MIPEP: variants seen among roughly 807,000 people sequenced by gnomAD.
MIPEP encodes the protein mitochondrial intermediate peptidase.
In MIPEP, 79 loss-of-function variants were observed where a neutral mutation model predicts 90.3. That is an observed-to-expected ratio of 0.87 (90% confidence interval 0.73 to 1.05). The LOEUF is 1.05. MIPEP is among the 50% of genes least tolerant of loss of function. MIPEP has a pLI of 0.00. For synonymous variants in MIPEP, 334 were observed against 315.8 expected (o/e 1.06, Z -0.61); for missense variants, 940 against 905.6 (o/e 1.04, Z -0.49).
At chr13:23,860,360 C>T (rs550266240) in intron 9 of MIPEP, among the ~76,000 whole-genome samples, 1 of 152,254 alleles carries the variant, frequency 6.6e-6, no homozygotes, top group South Asian at 2.1e-4. Context: ...ATGTGGCCGG[C>T]ACGTAAATAT....
In MIPEP at chr13:23,879,285, G is replaced by T. The variant is rs1372196060; in HGVS notation, c.522C>A (p.Ser174=). ...GTGAGTACCTTGTTTCTGGATCAAG[G>T]GAATCCACAAGTTTTTTATCAGCTA... is the stretch of plus-strand genomic sequence containing the variant. The part of the protein sequence containing the change: ...KLLADKKLVD[S]LDPETRRVAE... The change falls in exon 4 of 19, where the codon TCC becomes TCA. Residue 174 remains serine, a synonymous_variant. Transcript: ENST00000382172. 3 of 1,602,342 alleles carry T rather than the reference G, an allele frequency of 1.9e-6. No individual in the cohort carries two copies. The Admixed American group carries it at 5.0e-5, about 27-fold the overall frequency.
At chr13:23,741,030 C>T (rs905899696) in intron 18 of MIPEP, among the ~76,000 whole-genome samples, 1 of 152,184 alleles carries the variant, frequency 6.6e-6, no homozygotes, top group Non-Finnish European at 1.5e-5. Flanking sequence ...ACCAATCAGG[C>T]ATGGCCAGTG....
chr13:23,779,239 A>C (rs1276710576), intron 16 of MIPEP, among the ~76,000 whole-genome samples: 1 of 152,208 alleles, frequency 6.6e-6, no homozygotes, highest in Non-Finnish European at 1.5e-5. Context: ...GCAGCAGCAA[A>C]AATGTTATTT....
chr13:23,803,405 A>T (rs1962469), intron 16 of MIPEP, among the ~76,000 whole-genome samples: 2 of 151,936 alleles, frequency 1.3e-5, no homozygotes, highest in Admixed American at 6.6e-5. Context: ...ACTATCAAAA[A>T]GAAAAAATTC....
chr13:23,751,770 C>T (rs1190031498), intron 18 of MIPEP, among the ~76,000 whole-genome samples: 4 of 152,166 alleles, frequency 2.6e-5, no homozygotes, highest in East Asian at 1.9e-4. Flanking sequence ...ATCTTTCCAT[C>T]AGGACCCCCA....
intron 18 of MIPEP, 120 bp downstream of exon 18, chr13:23,756,425 G>T: frequency 1.9e-6 from 2 of 1,037,360 alleles, no homozygotes; most frequent in Middle Eastern, 2.0e-4. Flanking sequence ...CCAAAGTGCT[G>T]GGATTACAGG....
At chr13:23,809,743 G>T in intron 15 of MIPEP, 107 bp downstream of exon 15, 1 of 726,688 alleles carries the variant, frequency 1.4e-6, no homozygotes, top group South Asian at 2.1e-5. Flanking sequence ...AGATGTTTTA[G>T]AAGCATAATT....
chr13:23,878,483 G>A (rs1454984311), intron 4 of MIPEP, among the ~76,000 whole-genome samples: 2 of 152,086 alleles, frequency 1.3e-5, no homozygotes, highest in Non-Finnish European at 2.9e-5. Flanking sequence ...AAAATAGAAG[G>A]AAACAGGATC....
chr13:23,784,548 TAGGCAATACCATTC>T (rs1438863348), intron 16 of MIPEP, among the ~76,000 whole-genome samples: 1 of 152,018 alleles, frequency 6.6e-6, no homozygotes, highest in Non-Finnish European at 1.5e-5. Context: ...GAAGAAAACC[TAGGCAATACCATTC>T]AGGACATAGG....
At chr13:23,818,783 C>T (rs1953272715) in intron 14 of MIPEP, among the ~76,000 whole-genome samples, 1 of 152,126 alleles carries the variant, frequency 6.6e-6, no homozygotes, top group African/African-American at 2.4e-5. Context: ...AATCTTTAAG[C>T]CTAATTTAAA....
In MIPEP at chr13:23,846,840, TG is replaced by T. The variant is rs1431074478; in HGVS notation, c.1107-5353del. On this transcript the variant is annotated intron_variant, in intron 10 of 18. Coordinates refer to ENST00000382172, the MANE Select transcript of MIPEP (RefSeq NM_005932.4). Reference sequence around the variant, plus strand: ...TATCACTACCAAATGATGATGATGATGATGATGATGATGGTAACTAACATTT... The same window carrying T: ...TATCACTACCAAATGATGATGATGATATGATGATGATGGTAACTAACATTT... Among the ~76,000 whole-genome samples, 3 of 152,256 alleles carry T rather than the reference TG, an allele frequency of 2.0e-5. No individual in the cohort carries two copies. In the East Asian group the frequency reaches 5.8e-4, roughly 29 times the overall value.
intron 6 of MIPEP, among the ~76,000 whole-genome samples, 194 bp from the exon 7 acceptor site, chr13:23,869,642 C>T (rs1427526786): frequency 6.6e-6 from 1 of 152,166 alleles, no homozygotes; most frequent in Non-Finnish European, 1.5e-5. Flanking sequence ...TTGACTGCAG[C>T]TCTAGGGTAC....
intron 18 of MIPEP, among the ~76,000 whole-genome samples, chr13:23,738,645 G>A (rs9510836): frequency 2.7e-5 from 4 of 150,640 alleles, no homozygotes; most frequent in South Asian, 2.1e-4. Flanking sequence ...ATGGGGTTTC[G>A]CCATGTTGTT....
chr13:23,805,247 G>A (rs1281769111), intron 16 of MIPEP, among the ~76,000 whole-genome samples: 1 of 152,174 alleles, frequency 6.6e-6, no homozygotes, highest in South Asian at 2.1e-4. Flanking sequence ...TAGGAGTCAC[G>A]GTGCTCAACT....
intron 6 of MIPEP, 27 bp from the exon 7 acceptor site, chr13:23,869,475 G>A (rs779413453): frequency 6.3e-7 from 1 of 1,577,390 alleles, no homozygotes; most frequent in Non-Finnish European, 8.6e-7. Context: ...AATGGTGAAG[G>A]CTATAAATAT....
chr13:23,881,822 T>C, intron 2 of MIPEP, 35 bp from the exon 3 acceptor site: 1 of 1,516,302 alleles, frequency 6.6e-7, no homozygotes, highest in Non-Finnish European at 9.1e-7. Context: ...AAAAGGGAAT[T>C]TGATGAGAAG....
At chr13:23,760,350 G>A (rs753737012) in intron 16 of MIPEP, 133 bp from the exon 17 acceptor site, 22 of 1,116,536 alleles carry the variant, frequency 2.0e-5, no homozygotes, top group South Asian at 6.7e-5. Context: ...AGAAGGCTAC[G>A]TCACCTATGA....
chr13:23,881,671 T>C (rs1815334), intron 3 of MIPEP, 28 bp downstream of exon 3: 40 of 1,562,084 alleles, frequency 2.6e-5, no homozygotes, highest in South Asian at 3.3e-5. Context: ...GGACTTGGCA[T>C]GGAGGTGGGG....
Position 23,739,812 on chromosome 13 carries a change from G to A in MIPEP, c.2045-9367C>T, listed in dbSNP as rs576351498. Among the ~76,000 whole-genome samples the A allele has an allele frequency of 1.1e-4, 16 of 151,928 alleles. No individual in the cohort carries two copies. The South Asian group carries it at 3.3e-3, about 31-fold the overall frequency. On this transcript the variant is annotated intron_variant, in intron 18 of 18. Transcript: ENST00000382172. ...GCTCATGCATTTATCAAAAGGAAATGTTTACTAAGCACTTGTGTGCTAAAC... is the reference window on the plus strand; with the variant it reads ...GCTCATGCATTTATCAAAAGGAAATATTTACTAAGCACTTGTGTGCTAAAC...
Sources: gnomAD v4.1 joint callset for allele counts (sites outside exome capture counted in the v4.1 genomes callset) on GRCh38, gnomAD v4.1.1 for gene constraint, MANE v1.5 for transcripts, NCBI Gene and HGNC (gene_info 2026-07-23, HGNC 2026-07-21) for gene names.